The following GRID2 variants were observed in gnomAD, a reference collection of about 807,000 sequenced individuals.
The protein encoded by GRID2 is glutamate ionotropic receptor delta type subunit 2.
Under a neutral mutation model 114.8 loss-of-function variants are expected in GRID2, and 33 were observed. That is an observed-to-expected ratio of 0.29 (90% confidence interval 0.22 to 0.38). The LOEUF (loss-of-function observed/expected upper bound fraction) is 0.38, where lower values mean the gene tolerates loss of function less well. Ranked by LOEUF, GRID2 falls within the 10% of genes least tolerant of loss-of-function variation. The pLI is 1.00. For missense variants in GRID2, 1,184 were observed against 1,257.7 expected, an observed-to-expected ratio of 0.94 and a Z score of 0.89; for synonymous variants, 505 against 449.9, an observed-to-expected ratio of 1.12 and a Z score of -1.55.
intron 9 of GRID2, among the ~76,000 whole-genome samples, chr4:93,411,582 A>G (rs1383263513): frequency 6.6e-6 from 1 of 151,900 alleles, no homozygotes; most frequent in Non-Finnish European, 1.5e-5. Context: ...CTACAGGTGC[A>G]TGCCACTACA....
At chr4:93,427,791 C>A (rs908568580) in intron 10 of GRID2, among the ~76,000 whole-genome samples, 2 of 152,020 alleles carry the variant, frequency 1.3e-5, no homozygotes, top group African/African-American at 4.8e-5. Flanking sequence ...AAGTCCTTCT[C>A]TGCCTCACTA....
chr4:93,211,899 A>G (rs1743525218), intron 5 of GRID2, among the ~76,000 whole-genome samples: 1 of 152,170 alleles, frequency 6.6e-6, no homozygotes, highest in Admixed American at 6.6e-5. Context: ...TTACTTTCAA[A>G]TTATTCCATT....
chr4:92,338,075 G>A (rs576815528), intron 1 of GRID2, among the ~76,000 whole-genome samples: 69 of 152,260 alleles, frequency 4.5e-4, no homozygotes, highest in Non-Finnish European at 4.9e-4. Flanking sequence ...ATGCTGCATG[G>A]AAGAGATTTT....
chr4:92,567,814 A>G (rs1727407806), intron 1 of GRID2, among the ~76,000 whole-genome samples: 2 of 152,176 alleles, frequency 1.3e-5, no homozygotes, highest in South Asian at 2.1e-4. Context: ...TATCTATTCA[A>G]TGAATTTCTA....
At chr4:93,218,702 A>G (rs1744522900) in intron 6 of GRID2, among the ~76,000 whole-genome samples, 1 of 152,170 alleles carries the variant, frequency 6.6e-6, no homozygotes, top group Non-Finnish European at 1.5e-5. Flanking sequence ...TTTAAATTTC[A>G]GTTCCACCCT....
intron 2 of GRID2, among the ~76,000 whole-genome samples, chr4:92,821,436 T>C (rs537822999): frequency 6.6e-6 from 1 of 152,276 alleles, no homozygotes; most frequent in African/African-American, 2.4e-5. Flanking sequence ...TGTAAGAATT[T>C]GTTACAGTAT....
chr4:93,233,688 C>T (rs182540986), intron 7 of GRID2, among the ~76,000 whole-genome samples: 32 of 152,054 alleles, frequency 2.1e-4, no homozygotes, highest in African/African-American at 7.7e-4. Flanking sequence ...TCAGATTATC[C>T]CATGCTTGCC....
chr4:93,565,117 G>A (rs1056492280), intron 13 of GRID2, among the ~76,000 whole-genome samples: 3 of 151,650 alleles, frequency 2.0e-5, no homozygotes, highest in Non-Finnish European at 4.4e-5. Flanking sequence ...CTTACTAAAA[G>A]ATTTTATTTC....
intron 2 of GRID2, among the ~76,000 whole-genome samples, chr4:92,760,237 CA>C (rs982301426): frequency 0.034 from 1,305 of 38,412 alleles, 5 homozygotes; most frequent in African/African-American, 0.1. Flanking sequence ...GACTCTGTCT[CA>C]AAAAAAAAAA....
At chr4:93,512,534 G>C (rs530304141) in intron 12 of GRID2, among the ~76,000 whole-genome samples, 33 of 152,190 alleles carry the variant, frequency 2.2e-4, no homozygotes, top group Non-Finnish European at 4.1e-4. Flanking sequence ...AGTGTGCTAT[G>C]ATGGAACATG....
At chr4:92,738,420 G>A (rs550458272) in intron 2 of GRID2, among the ~76,000 whole-genome samples, 1 of 152,114 alleles carries the variant, frequency 6.6e-6, no homozygotes, top group South Asian at 2.1e-4. Flanking sequence ...TGTTTCCTTG[G>A]TTGTTGCAGT....
At chr4:92,547,087 T>C (rs1435892655) in intron 1 of GRID2, among the ~76,000 whole-genome samples, 1 of 152,206 alleles carries the variant, frequency 6.6e-6, no homozygotes, top group Non-Finnish European at 1.5e-5. Context: ...GGAGGGTTTC[T>C]GTAACTTTGA....
At chr4:92,403,080 A>C (rs1417540222) in intron 1 of GRID2, among the ~76,000 whole-genome samples, 1 of 152,174 alleles carries the variant, frequency 6.6e-6, no homozygotes. Context: ...ACTGGTTTCC[A>C]ACTTTTCTTC....
chr4:92,850,745 G>T (rs1743712888), intron 2 of GRID2, among the ~76,000 whole-genome samples: 1 of 151,902 alleles, frequency 6.6e-6, no homozygotes, highest in Admixed American at 6.6e-5. Flanking sequence ...CAGTTAAAAA[G>T]GTTGAAATGT....
At chr4:93,261,233 T>G (rs1322970912) in intron 8 of GRID2, among the ~76,000 whole-genome samples, 1 of 151,898 alleles carries the variant, frequency 6.6e-6, no homozygotes, top group Non-Finnish European at 1.5e-5. Context: ...AAAATCTGTG[T>G]TTTTAACAAG....
At chr4:92,511,281 A>G (rs1381717254) in intron 1 of GRID2, among the ~76,000 whole-genome samples, 1 of 151,712 alleles carries the variant, frequency 6.6e-6, no homozygotes, top group African/African-American at 2.4e-5. Flanking sequence ...TTTAACAACT[A>G]GATCACACAT....
intron 1 of GRID2, among the ~76,000 whole-genome samples, chr4:92,372,039 T>G (rs1038647202): frequency 6.6e-6 from 1 of 152,134 alleles, no homozygotes; most frequent in Non-Finnish European, 1.5e-5. Flanking sequence ...GAACTATAAT[T>G]GAAAGTGGAG....
At chr4:93,591,357 T>A (rs543662738) in intron 13 of GRID2, among the ~76,000 whole-genome samples, 43 of 151,552 alleles carry the variant, frequency 2.8e-4, no homozygotes, top group African/African-American at 9.9e-4. Context: ...CTGGATTACA[T>A]TTATTGATTT....
At chr4:92,569,475 C>G (rs937551077) in intron 1 of GRID2, among the ~76,000 whole-genome samples, 2 of 151,960 alleles carry the variant, frequency 1.3e-5, no homozygotes, top group South Asian at 4.1e-4. Context: ...TATATTCCTT[C>G]GGGTATATAC....
Sources: allele counts gnomAD v4.1 joint callset (sites outside exome capture counted in the v4.1 genomes callset), GRCh38; gene constraint gnomAD v4.1.1; transcripts MANE v1.5; gene names NCBI Gene and HGNC (gene_info 2026-07-23, HGNC 2026-07-21).